Variants in CFAP73 observed in about 807,000 individuals in gnomAD.
The protein encoded by CFAP73 is cilia- and flagella-associated protein 73.
In CFAP73, 33 loss-of-function variants were observed where a neutral mutation model predicts 42.9. That is an observed-to-expected ratio of 0.77 (90% confidence interval 0.58 to 1.03). CFAP73 has a LOEUF of 1.03. Among genes scored for constraint, CFAP73 ranks in the 50% least tolerant of loss-of-function variants. The pLI is 0.00. For missense variants in CFAP73, 392 were observed against 411.9 expected (o/e 0.95, Z 0.42); for synonymous variants, 162 against 186.8 (o/e 0.87, Z 1.08).
chr12:113,158,914 G>A lies in CFAP73; in HGVS notation c.*225G>A, dbSNP rs1169514760. On this transcript the variant is annotated 3_prime_UTR_variant, in exon 8 of 8. Coordinates refer to ENST00000335621, the MANE Select transcript of CFAP73 (RefSeq NM_001144872.3). The surrounding 1 kb of genome is among the most constrained non-coding windows in gnomAD (Gnocchi z 4.9). The stretch of plus-strand genomic sequence containing the variant: ...CCGCATCTTGCCCTTCTTGGAGCGG[G>A]CACCCCGGCCGAAGGCGCCCTGCTG... The A allele has an allele frequency of 1.2e-6, 2 of 1,608,124 alleles. No individual in the cohort carries two copies. Among genetic ancestry groups the A allele is most frequent in the Admixed American group, 1.7e-5 (1 of 59,786 alleles).
intron 6 of CFAP73, chr12:113,157,298 T>G: frequency 2.4e-6 from 1 of 411,206 alleles, no homozygotes; most frequent in Non-Finnish European, 4.4e-6. Flanking sequence ...ACTGATCCAG[T>G]TACAAGAAAA....
rs376972962 is a variant in CFAP73, at chr12:113,158,830, G to A, written c.*141G>A. 1.2e-4 allele frequency: 189 copies of A among 1,532,948 alleles called. No individual in the cohort carries two copies. The highest frequency in any genetic ancestry group is 1.5e-4 in the Non-Finnish European group (174 of 1,133,540). 95.0% of individuals were successfully genotyped at this position (1,532,948 alleles called of 1,614,324 possible). A position where few individuals can be genotyped will look rare whatever the true frequency, so the allele number is the denominator to read the frequency against. Reference sequence around the variant, plus strand: ...GTGGTGCACGGGAACGTCTGCTGATGCCCACCCTAAGGCCAATCAAGGAGC... The same window carrying A: ...GTGGTGCACGGGAACGTCTGCTGATACCCACCCTAAGGCCAATCAAGGAGC... On this transcript the variant is annotated 3_prime_UTR_variant, in exon 8 of 8. Transcript: ENST00000335621. This position sits in a 1 kb window ranked among gnomAD's most constrained non-coding sequence, Gnocchi z 4.9.
At chr12:113,150,554 T>G (rs1305512632) in intron 1 of CFAP73, among the ~76,000 whole-genome samples, 1 of 151,996 alleles carries the variant, frequency 6.6e-6, no homozygotes, top group Non-Finnish European at 1.5e-5. Context: ...GACCCCTTTC[T>G]CACTCCCCTC....
intron 6 of CFAP73, among the ~76,000 whole-genome samples, chr12:113,156,531 G>C (rs1214549859): frequency 6.6e-6 from 1 of 152,008 alleles, no homozygotes; most frequent in Non-Finnish European, 1.5e-5. Flanking sequence ...GGCTCGTCCT[G>C]CTACAAAGGG....
chr12:113,155,447 G>A, intron 6 of CFAP73, 29 bp downstream of exon 6: 1 of 1,519,756 alleles, frequency 6.6e-7, no homozygotes, highest in Non-Finnish European at 8.9e-7. Flanking sequence ...GGCACCTCCA[G>A]CCCCCAAACA....
chr12:113,158,104 C>T lies in CFAP73; in HGVS notation c.*11+414C>T, dbSNP rs1592994008. The T allele has an allele frequency of 1.1e-5, 2 of 186,136 alleles. No individual in the cohort carries two copies. The highest frequency in any genetic ancestry group is 4.6e-5 in the African/African-American group (2 of 43,334). 11.5% of individuals were successfully genotyped at this position (186,136 alleles called of 1,614,324 possible). ...CTGAGAATCCAGCTGCTGGGGCTGC[C>T]CTTGACCTTCTCAGAACCTCAAACA... On this transcript the variant is annotated intron_variant, in intron 7 of 7. Transcript: ENST00000335621. The surrounding 1 kb of genome is among the most constrained non-coding windows in gnomAD (Gnocchi z 4.9).
chr12:113,151,540 C>T lies in CFAP73; in HGVS notation c.57-378C>T, dbSNP rs551825661. ...AGATGTGGTGGCTTATGCCTGTAATCCCAACACTTTGGGAGGCTGAGGCAG... is the reference window on the plus strand; with the variant it reads ...AGATGTGGTGGCTTATGCCTGTAATTCCAACACTTTGGGAGGCTGAGGCAG... On this transcript the variant is annotated intron_variant, in intron 1 of 7. Coordinates refer to ENST00000335621, the MANE Select transcript of CFAP73 (RefSeq NM_001144872.3). 7.0e-4 allele frequency among the ~76,000 whole-genome samples: 106 copies of T among 152,254 alleles called. 1 individual carries two copies. Among genetic ancestry groups the T allele is most frequent in the African/African-American group, 2.5e-3 (103 of 41,550 alleles).
rs1179538105 is a variant in CFAP73 at position 113,159,109 on chromosome 12, C to T, written c.*420C>T. 4.4e-6 allele frequency: 7 copies of T among 1,590,874 alleles called. No individual in the cohort carries two copies. Among genetic ancestry groups the T allele is most frequent in the Non-Finnish European group, 6.0e-6 (7 of 1,169,844 alleles). ...GCCTGGGGCGTGGGGCCGGGATGCA[C>T]CTGCTGGGACAGGGATTCAGGGAGC... On this transcript the variant is annotated 3_prime_UTR_variant, in exon 8 of 8. Coordinates refer to ENST00000335621, the MANE Select transcript of CFAP73 (RefSeq NM_001144872.3).
chr12:113,158,039 G>C lies in CFAP73; in HGVS notation c.*11+349G>C, dbSNP rs1221597009. 1 of 244,838 alleles carries C rather than the reference G, an allele frequency of 4.1e-6. No homozygotes were observed. The highest frequency in any genetic ancestry group is 8.1e-6 in the Non-Finnish European group (1 of 124,012). 15.2% of individuals were successfully genotyped at this position (244,838 alleles called of 1,614,324 possible). A position where few individuals can be genotyped will look rare whatever the true frequency, so the allele number is the denominator to read the frequency against. Reference sequence around the variant, plus strand: ...CCATGCTAGATGAGAGATCACCAAGGCCCCCTCCACTATGGACTCTGCCAG... The same window carrying C: ...CCATGCTAGATGAGAGATCACCAAGCCCCCCTCCACTATGGACTCTGCCAG... On this transcript the variant is annotated intron_variant, in intron 7 of 7. Coordinates refer to ENST00000335621, the MANE Select transcript of CFAP73 (RefSeq NM_001144872.3). The surrounding 1 kb of genome is among the most constrained non-coding windows in gnomAD (Gnocchi z 4.9).
intron 1 of CFAP73, 101 bp downstream of exon 1, chr12:113,150,014 A>G: frequency 8.6e-7 from 1 of 1,159,622 alleles, no homozygotes; most frequent in South Asian, 1.3e-5. Flanking sequence ...CTTTGGGCAG[A>G]TCATAGTGGG....
At chr12:113,157,842 T>C in intron 7 of CFAP73, 152 bp downstream of exon 7, 2 of 638,318 alleles carry the variant, frequency 3.1e-6, no homozygotes, top group Non-Finnish European at 5.6e-6. Flanking sequence ...GGGCCTGCCA[T>C]GAGGGGCACA....
intron 1 of CFAP73, among the ~76,000 whole-genome samples, chr12:113,150,155 C>T (rs944052838): frequency 6.6e-6 from 1 of 152,118 alleles, no homozygotes; most frequent in Non-Finnish European, 1.5e-5. Flanking sequence ...ATCATTCAAA[C>T]CAAGCTGGGA....
chr12:113,152,954 G>A (rs1289286662), intron 3 of CFAP73, 67 bp downstream of exon 3: 2 of 1,117,448 alleles, frequency 1.8e-6, no homozygotes, highest in South Asian at 1.4e-5. Context: ...ATAGGGGCCC[G>A]GCAGGTAACA....
At chr12:113,156,167 G>T (rs1247813932) in intron 6 of CFAP73, among the ~76,000 whole-genome samples, 1 of 151,976 alleles carries the variant, frequency 6.6e-6, no homozygotes, top group Non-Finnish European at 1.5e-5. Context: ...TTATCCTCCC[G>T]CCTCAGCCTC....
chr12:113,155,228 C>A, intron 5 of CFAP73, 32 bp from the exon 6 acceptor site: 1 of 1,496,318 alleles, frequency 6.7e-7, no homozygotes, highest in South Asian at 1.3e-5. Flanking sequence ...GGCCCAGTTG[C>A]CATAATTGGG....
rs1952046289 is a variant in CFAP73, at chr12:113,149,809, G to A, written c.-49G>A. 2 of 1,543,962 alleles carry A rather than the reference G, an allele frequency of 1.3e-6. No homozygotes were observed. The highest frequency in any genetic ancestry group is 1.8e-6 in the Non-Finnish European group (2 of 1,140,418). On this transcript the variant is annotated 5_prime_UTR_variant, in exon 1 of 8. The change creates a new upstream start codon in the 5' untranslated region. Transcript: ENST00000335621. The stretch of plus-strand genomic sequence containing the variant: ...AGAACCCCCAGGGTCTCCTAAGCTT[G>A]TGCAAAACTCCAGCTGGTGGAAAGA...
chr12:113,158,993 G>A lies in CFAP73; in HGVS notation c.*304G>A, dbSNP rs140154334. 245 of 1,611,336 alleles carry A rather than the reference G, an allele frequency of 1.5e-4. No individual in the cohort carries two copies. Among genetic ancestry groups the A allele is most frequent in the Non-Finnish European group, 2.0e-4 (233 of 1,179,180 alleles). On this transcript the variant is annotated 3_prime_UTR_variant, in exon 8 of 8. Transcript: ENST00000335621. The surrounding 1 kb of genome is among the most constrained non-coding windows in gnomAD (Gnocchi z 4.9). ...GCAGAGAGCTGCTTGAGGCCACCAC[G>A]CTGCAGGAAGTGCAGCTTCTGGGCC...
At chr12:113,153,440 C>A in intron 4 of CFAP73, 32 bp downstream of exon 4, 1 of 1,382,628 alleles carries the variant, frequency 7.2e-7, no homozygotes, top group Non-Finnish European at 9.3e-7. Flanking sequence ...GGGAGCTCGG[C>A]GCCACCGCGT....
chr12:113,153,142 G>C, intron 3 of CFAP73, 66 bp from the exon 4 acceptor site: 4 of 1,407,880 alleles, frequency 2.8e-6, no homozygotes, highest in Non-Finnish European at 3.7e-6. Context: ...GGGCAGGATG[G>C]AGGTGCCGAA....
Sources: gnomAD v4.1 joint callset for allele counts (sites outside exome capture counted in the v4.1 genomes callset) on GRCh38, gnomAD v4.1.1 for gene constraint, Gnocchi (gnomAD v3.1) non-coding constraint, MANE v1.5 for transcripts, NCBI Gene and HGNC (gene_info 2026-07-23, HGNC 2026-07-21) for gene names.